Variants in ADGRV1 observed in about 807,000 individuals in gnomAD.
The protein encoded by ADGRV1 is adhesion G protein-coupled receptor V1, also known as G-protein coupled receptor 98.
ADGRV1 carries 359 observed loss-of-function variants against 596.2 expected under a neutral mutation model. The ratio of observed to expected loss-of-function variants is 0.60; its 90% CI spans 0.55 to 0.66. The LOEUF is 0.66. ADGRV1 is among the 30% of genes least tolerant of loss of function. ADGRV1 has a pLI of 0.00. For synonymous variants in ADGRV1, 2,681 were observed against 2,679.2 expected, an observed-to-expected ratio of 1.00 and a Z score of -0.02; for missense variants, 7,274 against 7,575.6, an observed-to-expected ratio of 0.96 and a Z score of 1.48.
intron 74 of ADGRV1, among the ~76,000 whole-genome samples, chr5:90,813,167 T>TAAAAAAAAAAAAAAAAA (rs1561786626): frequency 9.6e-6 from 1 of 104,336 alleles, no homozygotes; most frequent in Non-Finnish European, 1.9e-5. Flanking sequence ...AAAAAAAATT[T>TAAAAAAAAAAAAAAAAA]ATTTGGCAGT....
intron 86 of ADGRV1, among the ~76,000 whole-genome samples, chr5:91,090,871 T>C (rs1790322956): frequency 6.6e-6 from 1 of 152,100 alleles, no homozygotes; most frequent in African/African-American, 2.4e-5. Flanking sequence ...TTACATGGAA[T>C]AGGATGGCAT....
At chr5:91,142,852 G>A (rs1268464249) in intron 87 of ADGRV1, among the ~76,000 whole-genome samples, 1 of 152,192 alleles carries the variant, frequency 6.6e-6, no homozygotes, top group Non-Finnish European at 1.5e-5. Context: ...GGGATCCTTG[G>A]GGTTTCGCTT....
rs145690569 is a variant in ADGRV1 at position 90,990,281 on chromosome 5, C to T, written c.18152+4759C>T. ...TTAAAACCCTACCTCTTATATATAGCCTTGGTAGACTCACAACCCTTCATA... is the reference window on the plus strand; with the variant it reads ...TTAAAACCCTACCTCTTATATATAGTCTTGGTAGACTCACAACCCTTCATA... On this transcript the variant is annotated intron_variant, in intron 85 of 89. Coordinates refer to ENST00000405460, the MANE Select transcript of ADGRV1 (RefSeq NM_032119.4). 4.3e-3 allele frequency among the ~76,000 whole-genome samples: 651 copies of T among 152,226 alleles called. 5 individuals are homozygous for T. Among genetic ancestry groups the T allele is most frequent in the African/African-American group, 0.014 (601 of 41,520 alleles).
chr5:90,743,662 AG>A (rs761013209), intron 50 of ADGRV1, among the ~76,000 whole-genome samples: 16 of 151,548 alleles, frequency 1.1e-4, no homozygotes, highest in Non-Finnish European at 2.1e-4. Flanking sequence ...TAGTAGAAAC[AG>A]GGTTTCACCA....
intron 83 of ADGRV1, among the ~76,000 whole-genome samples, chr5:90,919,404 G>A (rs1002454163): frequency 6.6e-6 from 1 of 152,274 alleles, no homozygotes; most frequent in Non-Finnish European, 1.5e-5. Context: ...GTAATATTGG[G>A]AGGTGTAGTT....
Position 90,755,034 on chromosome 5 carries a change from G to A in ADGRV1, c.11429G>A (p.Gly3810Glu). 4.3e-6 allele frequency: 7 copies of A among 1,613,282 alleles called. No individual in the cohort carries two copies. Among genetic ancestry groups the A allele is most frequent in the Non-Finnish European group, 5.9e-6 (7 of 1,179,378 alleles). Residue 3810 changes from glycine (G) to glutamate (E), a missense_variant, in exon 55 of 90, where the codon GGG (glycine) becomes GAG (glutamate). This residue lies in a region of ADGRV1 where 3,643 missense variants were observed against 3,809.2 expected (regional missense o/e 0.96). Transcript: ENST00000405460. Reference sequence around the variant, plus strand: ...ATAGCTCGAGATAAAGGACTACTTGGGGATATTGCCATTCACTTGAGAGCT... The same window carrying A: ...ATAGCTCGAGATAAAGGACTACTTGAGGATATTGCCATTCACTTGAGAGCT... Reference protein sequence around the residue: ...LQIARDKGLLGDIAIHLRAQP... With the variant: ...LQIARDKGLLEDIAIHLRAQP...
chr5:90,967,662 G>GTGA (rs1778597366), intron 84 of ADGRV1, among the ~76,000 whole-genome samples: 1 of 152,064 alleles, frequency 6.6e-6, no homozygotes, highest in African/African-American at 2.4e-5. Flanking sequence ...TATGTACGTG[G>GTGA]TACAGAACTG....
intron 85 of ADGRV1, among the ~76,000 whole-genome samples, chr5:91,023,626 T>C (rs1783812732): frequency 6.6e-6 from 1 of 152,126 alleles, no homozygotes; most frequent in South Asian, 2.1e-4. Context: ...CCATGGTTTC[T>C]ATTTCAGAAT....
At chr5:90,926,370 T>C (rs1324119574) in intron 83 of ADGRV1, among the ~76,000 whole-genome samples, 1 of 150,424 alleles carries the variant, frequency 6.6e-6, no homozygotes, top group East Asian at 2.0e-4. Flanking sequence ...GGAGAGTGTA[T>C]GTGTCGAGGA....
At chr5:91,146,886 G>T (rs778988768) in intron 87 of ADGRV1, among the ~76,000 whole-genome samples, 12 of 152,180 alleles carry the variant, frequency 7.9e-5, no homozygotes, top group Non-Finnish European at 1.8e-4. Flanking sequence ...TTGAAGCTGG[G>T]CATGGTGGCT....
In ADGRV1 at chr5:90,803,031, ATATAT is replaced by A. The variant is rs763379879; in HGVS notation, c.14661+155_14661+159del. 6.7e-5 allele frequency: 35 copies of A among 524,208 alleles called. 1 individual carries two copies. The highest frequency in any genetic ancestry group is 9.6e-5 in the East Asian group (3 of 31,178). 32.5% of individuals were successfully genotyped at this position (524,208 alleles called of 1,614,324 possible). A position where few individuals can be genotyped will look rare whatever the true frequency, so the allele number is the denominator to read the frequency against. On this transcript the variant is annotated intron_variant, in intron 71 of 89. Coordinates refer to ENST00000405460, the MANE Select transcript of ADGRV1 (RefSeq NM_032119.4). The stretch of plus-strand genomic sequence containing the variant: ...GTGAATATCAAAGTAGATGTAACAG[ATATAT>A]TATATAAAATAATTAGTCTATTTTC...
intron 9 of ADGRV1, chr5:90,630,482 C>T (rs1417518728): frequency 6.6e-6 from 1 of 152,108 alleles, no homozygotes; most frequent in African/African-American, 2.4e-5. Flanking sequence ...AATATCTGCA[C>T]TCATTTATGA....
intron 4 of ADGRV1, among the ~76,000 whole-genome samples, chr5:90,622,144 T>A (rs1045769623): frequency 3.3e-5 from 5 of 152,230 alleles, no homozygotes; most frequent in African/African-American, 1.2e-4. Flanking sequence ...CTGAAAGTTA[T>A]TAGCAGTGTC....
intron 85 of ADGRV1, among the ~76,000 whole-genome samples, chr5:91,035,866 T>TATATATATATAATATATATAATATATATA (rs1784857303): frequency 7.9e-6 from 1 of 126,222 alleles, no homozygotes; most frequent in East Asian, 2.1e-4. Flanking sequence ...ATATATTATA[T>TATATATATATAATATATATAATATATATA]ATATATATAT....
At chr5:90,570,086 T>C (rs1057110978) in intron 1 of ADGRV1, among the ~76,000 whole-genome samples, 1 of 152,188 alleles carries the variant, frequency 6.6e-6, no homozygotes, top group Non-Finnish European at 1.5e-5. Flanking sequence ...TGTTCTTTCA[T>C]TTCACCCTGA....
At chr5:90,733,181 A>G (rs16869069) in intron 50 of ADGRV1, among the ~76,000 whole-genome samples, 3,473 of 152,314 alleles carry the variant, frequency 0.023, 130 homozygotes, top group African/African-American at 0.081. Context: ...TGAAGATTCA[A>G]CAGCACTTGA....
At chr5:90,736,288 A>AT (rs1383323949) in intron 50 of ADGRV1, among the ~76,000 whole-genome samples, 1 of 152,032 alleles carries the variant, frequency 6.6e-6, no homozygotes, top group Non-Finnish European at 1.5e-5. Flanking sequence ...TGATCTGCAT[A>AT]TATTGAACCA....
chr5:91,151,714 C>T (rs1796076124), intron 88 of ADGRV1, among the ~76,000 whole-genome samples: 1 of 152,132 alleles, frequency 6.6e-6, no homozygotes, highest in African/African-American at 2.4e-5. Context: ...TAAAGTTAGG[C>T]AACATTAAAG....
At chr5:90,752,716 T>C (rs1023092551) in intron 53 of ADGRV1, among the ~76,000 whole-genome samples, 1 of 152,240 alleles carries the variant, frequency 6.6e-6, no homozygotes, top group Admixed American at 6.5e-5. Flanking sequence ...CTGAAAGTTA[T>C]ATAAATCATT....
Sources: allele counts gnomAD v4.1 joint callset (sites outside exome capture counted in the v4.1 genomes callset), GRCh38; gene constraint gnomAD v4.1.1; regional missense constraint gnomAD v4.1.1; transcripts MANE v1.5; gene names NCBI Gene and HGNC (gene_info 2026-07-23, HGNC 2026-07-21).